Variants in PLXDC2 observed in about 807,000 individuals in gnomAD.
PLXDC2 encodes the protein plexin domain containing 2, also known as plexin domain-containing protein 2.
In PLXDC2, 40 loss-of-function variants were observed where a neutral mutation model predicts 68.9. The observed-to-expected ratio is 0.58, with a 90% CI of 0.45 to 0.76. The LOEUF (loss-of-function observed/expected upper bound fraction) is 0.76. PLXDC2 is among the 30% of genes least tolerant of loss of function. The probability of loss-of-function intolerance (pLI) is 0.00; values close to 1 mark genes in which losing one functional copy is unlikely to be tolerated. For synonymous variants in PLXDC2, 243 were observed against 234.2 expected (o/e 1.04, Z -0.34); for missense variants, 644 against 661.9 (o/e 0.97, Z 0.30).
chr10:19,927,337 C>G (rs1196524435), intron 1 of PLXDC2, among the ~76,000 whole-genome samples: 1 of 152,036 alleles, frequency 6.6e-6, no homozygotes, highest in African/African-American at 2.4e-5. Flanking sequence ...CACTTGGACT[C>G]TGAAGGATAA....
In PLXDC2 at chr10:20,108,538, G is replaced by A. The variant is rs971356074; in HGVS notation, c.542-34757G>A. ...ATTATGTGGAGGAGATGAGAAAATT[G>A]TTAGTGGCAATTAAGAAAATCAGTG... On this transcript the variant is annotated intron_variant, in intron 4 of 13. Transcript: ENST00000377252. Among the ~76,000 whole-genome samples the A allele has an allele frequency of 3.5e-4, 54 of 152,134 alleles. 1 individual carries two copies. The highest frequency in any genetic ancestry group is 6.5e-5 in the Admixed American group (1 of 15,274).
At chr10:19,945,357 T>C (rs999721963) in intron 1 of PLXDC2, among the ~76,000 whole-genome samples, 1 of 152,154 alleles carries the variant, frequency 6.6e-6, no homozygotes, top group African/African-American at 2.4e-5. Flanking sequence ...ATTTAAAAAA[T>C]CTTGACGTGC....
intron 3 of PLXDC2, among the ~76,000 whole-genome samples, chr10:20,049,634 T>C (rs1484129292): frequency 6.6e-6 from 1 of 151,774 alleles, no homozygotes; most frequent in Admixed American, 6.6e-5. Flanking sequence ...ATAAAATACC[T>C]AGTAATACAG....
At chr10:19,821,027 C>T (rs1244699717) in intron 1 of PLXDC2, among the ~76,000 whole-genome samples, 2 of 152,180 alleles carry the variant, frequency 1.3e-5, no homozygotes, top group African/African-American at 4.8e-5. Context: ...TAGCAGCGAG[C>T]CGAGATTGCA....
chr10:19,879,442 T>A (rs771991494), intron 1 of PLXDC2, among the ~76,000 whole-genome samples: 2 of 152,172 alleles, frequency 1.3e-5, no homozygotes, highest in Non-Finnish European at 2.9e-5. Context: ...TCTCTATGTG[T>A]GACGGTGCAA....
At chr10:20,007,633 C>A (rs1033612815) in intron 2 of PLXDC2, among the ~76,000 whole-genome samples, 2 of 152,160 alleles carry the variant, frequency 1.3e-5, no homozygotes, top group Non-Finnish European at 2.9e-5. Flanking sequence ...GGGAGCTAGG[C>A]CAATGCCTCT....
intron 1 of PLXDC2, among the ~76,000 whole-genome samples, chr10:19,841,093 C>T (rs144121498): frequency 2.5e-4 from 38 of 152,244 alleles, no homozygotes; most frequent in African/African-American, 8.7e-4. Flanking sequence ...TTTGATTAGC[C>T]GAACCATGGA....
intron 1 of PLXDC2, among the ~76,000 whole-genome samples, chr10:19,822,171 C>T (rs1836480156): frequency 6.7e-6 from 1 of 149,520 alleles, no homozygotes; most frequent in South Asian, 2.1e-4. Flanking sequence ...AATGTATATA[C>T]ACTATATATG....
chr10:19,935,051 A>T (rs912800429), intron 1 of PLXDC2, among the ~76,000 whole-genome samples: 1 of 152,214 alleles, frequency 6.6e-6, no homozygotes, highest in Non-Finnish European at 1.5e-5. Context: ...AAAATTTCGT[A>T]GAAGAGTCAG....
At chr10:20,101,729 C>T (rs1279140225) in intron 4 of PLXDC2, among the ~76,000 whole-genome samples, 1 of 152,056 alleles carries the variant, frequency 6.6e-6, no homozygotes, top group South Asian at 2.1e-4. Flanking sequence ...CTGATCATCT[C>T]CTCCTCAGGA....
chr10:19,938,421 C>T (rs1833763307), intron 1 of PLXDC2, among the ~76,000 whole-genome samples: 1 of 152,152 alleles, frequency 6.6e-6, no homozygotes, highest in South Asian at 2.1e-4. Context: ...GTATTTGTTT[C>T]TGGGTAGGCC....
intron 1 of PLXDC2, among the ~76,000 whole-genome samples, chr10:19,986,827 T>C (rs1365308815): frequency 6.6e-6 from 1 of 152,192 alleles, no homozygotes; most frequent in Non-Finnish European, 1.5e-5. Flanking sequence ...CTGTGTAGAA[T>C]GGGAACATGT....
intron 4 of PLXDC2, among the ~76,000 whole-genome samples, chr10:20,085,833 G>T (rs772035294): frequency 6.6e-6 from 1 of 152,080 alleles, no homozygotes; most frequent in African/African-American, 2.4e-5. Context: ...ATAACATCTG[G>T]TCAGTGAGAA....
At chr10:19,862,235 A>G (rs1244250423) in intron 1 of PLXDC2, among the ~76,000 whole-genome samples, 1 of 152,226 alleles carries the variant, frequency 6.6e-6, no homozygotes, top group Admixed American at 6.5e-5. Context: ...AATCAGTTAC[A>G]TTCTCTAAAA....
At chr10:20,246,378 C>G (rs1835595501) in intron 13 of PLXDC2, among the ~76,000 whole-genome samples, 1 of 152,164 alleles carries the variant, frequency 6.6e-6, no homozygotes, top group African/African-American at 2.4e-5. Context: ...TCTTGACAGT[C>G]TCATTCTGTC....
At chr10:19,914,030 G>A (rs1833322204) in intron 1 of PLXDC2, among the ~76,000 whole-genome samples, 1 of 150,326 alleles carries the variant, frequency 6.7e-6, no homozygotes, top group African/African-American at 2.5e-5. Flanking sequence ...CAATAAAGAA[G>A]GGAAGGAAGG....
intron 1 of PLXDC2, among the ~76,000 whole-genome samples, chr10:19,950,255 T>G (rs1182041764): frequency 6.6e-6 from 1 of 152,190 alleles, no homozygotes; most frequent in African/African-American, 2.4e-5. Flanking sequence ...ATTCTATTCC[T>G]AGAAAACCCT....
At chr10:20,166,554 T>C (rs1262947462) in intron 7 of PLXDC2, among the ~76,000 whole-genome samples, 1 of 152,118 alleles carries the variant, frequency 6.6e-6, no homozygotes, top group Non-Finnish European at 1.5e-5. Context: ...AGTTGTTAAA[T>C]CAAGCATGGT....
At chr10:19,984,629 G>A (rs1023794282) in intron 1 of PLXDC2, among the ~76,000 whole-genome samples, 21 of 152,250 alleles carry the variant, frequency 1.4e-4, no homozygotes, top group African/African-American at 4.1e-4. Flanking sequence ...TGATTTCTGC[G>A]CATGACTGAT....
Sources: gnomAD v4.1 joint callset for allele counts (sites outside exome capture counted in the v4.1 genomes callset) on GRCh38, gnomAD v4.1.1 for gene constraint, MANE v1.5 for transcripts, NCBI Gene and HGNC (gene_info 2026-07-23, HGNC 2026-07-21) for gene names.